OMA1: variants seen among roughly 807,000 people sequenced by gnomAD.
The protein encoded by OMA1 is metalloendopeptidase OMA1, mitochondrial.
Under a neutral mutation model 30.9 loss-of-function variants are expected in OMA1, and 38 were observed. The observed-to-expected ratio is 1.23, with a 90% CI of 0.95 to 1.61. The LOEUF (loss-of-function observed/expected upper bound fraction) is 1.61, where lower values mean the gene tolerates loss of function less well. OMA1 is among the 40% of genes most tolerant of loss of function. The pLI is 0.00. For missense variants in OMA1, 461 were observed against 349.2 expected (o/e 1.32, Z -2.55); for synonymous variants, 173 against 121.9 (o/e 1.42, Z -2.76).
chr1:58,505,203 CA>C (rs1645968665), intron 8 of OMA1, among the ~76,000 whole-genome samples: 1 of 152,204 alleles, frequency 6.6e-6, no homozygotes, highest in Non-Finnish European at 1.5e-5. Context: ...CCACCCACCT[CA>C]GCCTCCCAAA....
At chr1:58,519,838 G>C (rs959428305) in intron 7 of OMA1, among the ~76,000 whole-genome samples, 4 of 152,148 alleles carry the variant, frequency 2.6e-5, no homozygotes, top group South Asian at 4.1e-4. Context: ...ATTTATAAAA[G>C]AGCATCAAAG....
intron 1 of OMA1, among the ~76,000 whole-genome samples, chr1:58,543,497 G>C (rs1220700617): frequency 6.6e-6 from 1 of 151,978 alleles, no homozygotes; most frequent in African/African-American, 2.4e-5. Flanking sequence ...GTGGTCTTAT[G>C]GTGTTGATCA....
At chr1:58,501,336 A>G (rs1645903995) in intron 8 of OMA1, among the ~76,000 whole-genome samples, 1 of 152,228 alleles carries the variant, frequency 6.6e-6, no homozygotes, top group South Asian at 2.1e-4. Flanking sequence ...TATTATGCTA[A>G]AATGATCCAA....
At chr1:58,486,344 C>G (rs1645574990) in intron 8 of OMA1, among the ~76,000 whole-genome samples, 1 of 152,142 alleles carries the variant, frequency 6.6e-6, no homozygotes, top group Non-Finnish European at 1.5e-5. Context: ...AGAATTAAAA[C>G]CGAAGACTCC....
At chr1:58,535,985 C>T (rs1302195607) in intron 3 of OMA1, among the ~76,000 whole-genome samples, 1 of 151,850 alleles carries the variant, frequency 6.6e-6, no homozygotes, top group Non-Finnish European at 1.5e-5. Context: ...TATTTAAAAC[C>T]ATAAACAAAA....
intron 8 of OMA1, among the ~76,000 whole-genome samples, chr1:58,483,897 T>G (rs1437936560): frequency 1.3e-5 from 2 of 152,156 alleles, no homozygotes; most frequent in Non-Finnish European, 2.9e-5. Flanking sequence ...GCTATATCAG[T>G]GTAGTGCCTA....
chr1:58,526,154 T>C (rs149234195), intron 7 of OMA1, among the ~76,000 whole-genome samples: 3 of 152,092 alleles, frequency 2.0e-5, no homozygotes, highest in African/African-American at 7.2e-5. Context: ...TCTGACAGAC[T>C]GGAGTACATG....
chr1:58,538,754 A>C (rs1304031908), intron 2 of OMA1, 41 bp downstream of exon 2: 2 of 715,118 alleles, frequency 2.8e-6, no homozygotes, highest in Non-Finnish European at 4.7e-6. Context: ...ATTAATGCAA[A>C]AAGTTAATAT....
chr1:58,533,551 C>G (rs1233370137), intron 5 of OMA1, among the ~76,000 whole-genome samples: 4 of 152,050 alleles, frequency 2.6e-5, no homozygotes, highest in Admixed American at 2.6e-4. Flanking sequence ...AAGCTATCCT[C>G]TGAGAATGAA....
intron 7 of OMA1, among the ~76,000 whole-genome samples, chr1:58,521,610 C>T (rs1036282204): frequency 1.4e-4 from 22 of 151,936 alleles, no homozygotes; most frequent in Non-Finnish European, 7.4e-5. Context: ...AACAGGTATC[C>T]TTCAGACATT....
At chr1:58,500,165 G>C (rs1475231375) in intron 8 of OMA1, among the ~76,000 whole-genome samples, 2 of 152,062 alleles carry the variant, frequency 1.3e-5, no homozygotes. Flanking sequence ...GCCTCAAGTA[G>C]ATACACATCA....
chr1:58,500,596 GA>G (rs1426957491), intron 8 of OMA1, among the ~76,000 whole-genome samples: 1 of 152,084 alleles, frequency 6.6e-6, no homozygotes, highest in Non-Finnish European at 1.5e-5. Context: ...ATTTGATAAA[GA>G]TTTTTTTAAG....
At chr1:58,524,942 C>T (rs1422418884) in intron 7 of OMA1, among the ~76,000 whole-genome samples, 1 of 152,148 alleles carries the variant, frequency 6.6e-6, no homozygotes, top group Admixed American at 6.5e-5. Context: ...AGTAGATATT[C>T]ACAATATTTG....
Position 58,530,648 on chromosome 1 carries a change from C to A in OMA1, c.1093G>T (p.Asp365Tyr), listed in dbSNP as rs77980955. ...CACTGGCACAAAAGTGCCAAGCTATCTCGAGGACAAATGGCCCAAATCATT... is the reference window on the plus strand; with the variant it reads ...CACTGGCACAAAAGTGCCAAGCTATATCGAGGACAAATGGCCCAAATCATT... ...LTMIWAICPR[D>Y]SLALLCQWIQ... The change falls in exon 6 of 9, where the codon GAT (aspartate) becomes TAT (tyrosine). Residue 365 changes from aspartate to tyrosine, a missense_variant. By Grantham distance (160) the Asp-to-Tyr change is radical. Coordinates refer to ENST00000371226, the MANE Select transcript of OMA1 (RefSeq NM_145243.5). The A allele has an allele frequency of 3.6e-3, 3,155 of 872,802 alleles. 11 individuals carry two copies. The highest frequency in any genetic ancestry group is 4.8e-3 in the Non-Finnish European group (2,392 of 501,582). The allele number at this position is 872,802 out of a possible 1,614,324, so 54.1% of individuals were successfully genotyped here. A position where few individuals can be genotyped will look rare whatever the true frequency, so the allele number is the denominator to read the frequency against.
At chr1:58,501,845 G>A (rs532717985) in intron 8 of OMA1, among the ~76,000 whole-genome samples, 1 of 152,234 alleles carries the variant, frequency 6.6e-6, no homozygotes, top group African/African-American at 2.4e-5. Context: ...GTTTAATGAG[G>A]TCTGAAGGGT....
At chr1:58,536,878 C>A in intron 2 of OMA1, 137 bp from the exon 3 acceptor site, 2 of 567,258 alleles carry the variant, frequency 3.5e-6, no homozygotes, top group East Asian at 2.9e-5. Context: ...CATCGCTTTT[C>A]CAATTAATAA....
chr1:58,545,642 G>A (rs922859565), intron 1 of OMA1, among the ~76,000 whole-genome samples: 2 of 152,156 alleles, frequency 1.3e-5, no homozygotes, highest in Non-Finnish European at 2.9e-5. Flanking sequence ...TAGCCTCTAC[G>A]AACATTTCAG....
chr1:58,530,673 T>C lies in OMA1; in HGVS notation c.1068A>G (p.Thr356=). Residue 356 remains threonine (T), a synonymous_variant, in exon 6 of 9, where the codon ACA becomes ACG. Coordinates refer to ENST00000371226, the MANE Select transcript of OMA1 (RefSeq NM_145243.5). ...LLDFLGMIFL[T]MIWAICPRDS... is the part of the protein sequence containing the mutation. ...CTCGAGGACAAATGGCCCAAATCAT[T>C]GTGAGGAAAATCATACCTAGGAAAT... is the stretch of plus-strand genomic sequence containing the variant. 2 of 872,796 alleles carry C rather than the reference T, an allele frequency of 2.3e-6. No homozygotes were observed. The highest frequency in any genetic ancestry group is 4.0e-6 in the Non-Finnish European group (2 of 501,606). 54.1% of individuals were successfully genotyped at this position (872,796 alleles called of 1,614,324 possible).
At chr1:58,496,770 A>C (rs1645810191) in intron 8 of OMA1, among the ~76,000 whole-genome samples, 1 of 152,184 alleles carries the variant, frequency 6.6e-6, no homozygotes, top group Non-Finnish European at 1.5e-5. Flanking sequence ...AATAAGATAA[A>C]AGTGTCTGCA....
Sources: gnomAD v4.1 joint callset for allele counts (sites outside exome capture counted in the v4.1 genomes callset) on GRCh38, gnomAD v4.1.1 for gene constraint, MANE v1.5 for transcripts, NCBI Gene and HGNC (gene_info 2026-07-23, HGNC 2026-07-21) for gene names.